Variants in DCDC1 observed in about 807,000 individuals in gnomAD.
DCDC1 encodes the protein doublecortin domain-containing protein 1.
A neutral mutation model predicts 178.3 loss-of-function variants in DCDC1; 200 were observed. The ratio of observed to expected loss-of-function variants is 1.12; its 90% CI spans 1.00 to 1.26. The LOEUF is 1.26. DCDC1 is among the 50% of genes most tolerant of loss of function. The pLI, the probability that DCDC1 is intolerant of heterozygous loss-of-function variation, is 0.00. For missense variants in DCDC1, 1,983 were observed against 1,749.2 expected (o/e 1.13, Z -2.38); for synonymous variants, 690 against 604.8 (o/e 1.14, Z -2.07).
chr11:31,242,367 T>A (rs1977264254), intron 8 of DCDC1, among the ~76,000 whole-genome samples: 1 of 151,960 alleles, frequency 6.6e-6, no homozygotes. Flanking sequence ...AAAGTCTTTC[T>A]AGTGTAAAAT....
chr11:31,108,819 A>G (rs1473473941), intron 12 of DCDC1, among the ~76,000 whole-genome samples: 1 of 152,192 alleles, frequency 6.6e-6, no homozygotes, highest in Non-Finnish European at 1.5e-5. Flanking sequence ...TGTGGCAACC[A>G]AAAATTGTGA....
chr11:31,004,002 G>C (rs1951708363), intron 20 of DCDC1, among the ~76,000 whole-genome samples: 1 of 152,156 alleles, frequency 6.6e-6, no homozygotes, highest in Non-Finnish European at 1.5e-5. Context: ...TGGTGATGCT[G>C]TTCACTGAGA....
In DCDC1 at chr11:31,127,481, G is replaced by C. The variant is rs777634135; in HGVS notation, c.1473C>G (p.Gly491=). Residue 491 remains glycine, a synonymous_variant, in exon 11 of 39, where the codon GGC becomes GGG. Transcript: ENST00000684477. ...GAACGACACCCACCTTAAGCTGCAG[G>C]CCTCCTGGGACAAGCGTGTTTGCTG... ...SLPANTLVPG[G]LQLKVFENGK... The C allele has an allele frequency of 7.5e-5, 53 of 702,244 alleles. No homozygotes were observed. The African/African-American group carries it at 8.4e-4, about 11-fold the overall frequency. The allele number at this position is 702,244 out of a possible 1,614,324, so 43.5% of individuals were successfully genotyped here. A position where few individuals can be genotyped will look rare whatever the true frequency, so the allele number is the denominator to read the frequency against.
chr11:30,993,499 G>GA (rs1235514904), intron 20 of DCDC1, among the ~76,000 whole-genome samples: 11 of 152,012 alleles, frequency 7.2e-5, no homozygotes, highest in African/African-American at 2.7e-4. Flanking sequence ...CAATGAAATT[G>GA]AAAACCAATG....
chr11:31,093,961 C>A, intron 16 of DCDC1, 89 bp downstream of exon 16: 1 of 703,330 alleles, frequency 1.4e-6, no homozygotes, highest in Non-Finnish European at 2.6e-6. Context: ...CTTGTATGCC[C>A]ATGTGCATGA....
Position 31,161,033 on chromosome 11 carries a change from C to T in DCDC1, c.1222-23249G>A, listed in dbSNP as rs1966274360. Among the ~76,000 whole-genome samples the T allele has an allele frequency of 2.0e-5, 3 of 152,250 alleles. No homozygotes were observed. The South Asian group carries it at 6.2e-4, about 31-fold the overall frequency. ...GAAATTCTATTAAAATTCATTATAA[C>T]ATTGCAGGAATTTTTTAAAATCTTT... is the stretch of plus-strand genomic sequence containing the variant. On this transcript the variant is annotated intron_variant, in intron 9 of 38. Transcript: ENST00000684477.
intron 36 of DCDC1, among the ~76,000 whole-genome samples, chr11:30,883,954 A>G (rs1355443616): frequency 2.0e-5 from 3 of 152,040 alleles, no homozygotes; most frequent in African/African-American, 7.2e-5. Context: ...TTTAAAAATA[A>G]GTCTTCATAG....
intron 32 of DCDC1, 132 bp from the exon 33 acceptor site, chr11:30,900,630 CAG>C: frequency 2.3e-6 from 2 of 877,684 alleles, no homozygotes; most frequent in Non-Finnish European, 3.1e-6. Context: ...ATGCCAAAAT[CAG>C]AGACTAATGC....
At chr11:30,992,921 A>G (rs1055411916) in intron 20 of DCDC1, among the ~76,000 whole-genome samples, 2 of 152,148 alleles carry the variant, frequency 1.3e-5, no homozygotes, top group East Asian at 3.9e-4. Flanking sequence ...TCCAACAAGT[A>G]TATTGTACAG....
At chr11:30,989,553 A>C (rs1950855420) in intron 20 of DCDC1, among the ~76,000 whole-genome samples, 1 of 152,170 alleles carries the variant, frequency 6.6e-6, no homozygotes, top group African/African-American at 2.4e-5. Flanking sequence ...ATCAAAATAC[A>C]GACATTTAAA....
chr11:31,157,836 A>T (rs1001194414), intron 9 of DCDC1, among the ~76,000 whole-genome samples: 3 of 152,154 alleles, frequency 2.0e-5, no homozygotes, highest in Non-Finnish European at 4.4e-5. Flanking sequence ...AAAATGGTAA[A>T]GTTTATATTA....
intron 38 of DCDC1, among the ~76,000 whole-genome samples, chr11:30,873,312 T>G (rs1447254145): frequency 6.7e-6 from 1 of 148,310 alleles, no homozygotes; most frequent in Non-Finnish European, 1.5e-5. Flanking sequence ...TATATAAAAA[T>G]GTATAAATAT....
intron 23 of DCDC1, among the ~76,000 whole-genome samples, chr11:30,923,583 T>G (rs1946399864): frequency 6.6e-6 from 1 of 150,482 alleles, no homozygotes; most frequent in African/African-American, 2.4e-5. Flanking sequence ...ATTTTGTGTA[T>G]GAAGACCCAG....
Position 31,307,822 on chromosome 11 carries a change from T to C in DCDC1, c.251A>G (p.His84Arg), listed in dbSNP as rs769489626. 5 of 1,614,166 alleles carry C rather than the reference T, an allele frequency of 3.1e-6. No individual in the cohort carries two copies. The South Asian group carries it at 3.3e-5, about 11-fold the overall frequency. Residue 84 changes from histidine (H) to arginine (R), a missense_variant, in exon 4 of 39, where the codon CAT (histidine) becomes CGT (arginine). Physicochemically the swap from His to Arg is conservative, Grantham distance 29. Coordinates refer to ENST00000684477, the MANE Select transcript of DCDC1 (RefSeq NM_001387274.1). ...QSQFGPNRLV[H>R]SAAVSEGSGL... ...TGACCCTTCTGATACTGCTGCTGAATGCACGAGTCTGTTGGGGCCAAACTG... is the reference window on the plus strand; with the variant it reads ...TGACCCTTCTGATACTGCTGCTGAACGCACGAGTCTGTTGGGGCCAAACTG...
At chr11:31,346,390 G>C (rs1950812949) in intron 1 of DCDC1, among the ~76,000 whole-genome samples, 1 of 151,014 alleles carries the variant, frequency 6.6e-6, no homozygotes, top group Non-Finnish European at 1.5e-5. Context: ...CTTGAACCCG[G>C]GAGGCGGAGA....
At chr11:31,238,736 T>C (rs1426501661) in intron 9 of DCDC1, among the ~76,000 whole-genome samples, 1 of 152,130 alleles carries the variant, frequency 6.6e-6, no homozygotes, top group Non-Finnish European at 1.5e-5. Context: ...TAGATTCTGC[T>C]TAGCTCCAAG....
At chr11:30,911,668 GGAGT>G (rs1282510193) in intron 27 of DCDC1, among the ~76,000 whole-genome samples, 2 of 152,180 alleles carry the variant, frequency 1.3e-5, no homozygotes, top group Non-Finnish European at 2.9e-5. Flanking sequence ...TCAGCAGTTG[GGAGT>G]GAGAACACCC....
intron 8 of DCDC1, chr11:31,262,984 T>C: frequency 6.5e-7 from 1 of 1,547,060 alleles, no homozygotes. Flanking sequence ...AATGTGATAA[T>C]AGCACACTTC....
chr11:31,148,462 C>T lies in DCDC1; in HGVS notation c.1222-10678G>A, dbSNP rs113922778. On this transcript the variant is annotated intron_variant, in intron 9 of 38. Transcript: ENST00000684477. ...GAGGTTGCAGTGAGCCAAGACTGTA[C>T]CACTGCACTCTAGCCTGGACAACAG... Among the ~76,000 whole-genome samples the T allele has an allele frequency of 2.2e-3, 336 of 151,962 alleles. 3 individuals are homozygous for T. The highest frequency in any genetic ancestry group is 7.6e-3 in the African/African-American group (317 of 41,488).
Sources: allele counts gnomAD v4.1 joint callset (sites outside exome capture counted in the v4.1 genomes callset), GRCh38; gene constraint gnomAD v4.1.1; transcripts MANE v1.5; gene names NCBI Gene and HGNC (gene_info 2026-07-23, HGNC 2026-07-21).